WAPL: variants seen among roughly 807,000 people sequenced by gnomAD.
WAPL encodes WAPL cohesin release factor, also known as wings apart-like protein homolog.
WAPL carries 5 observed loss-of-function variants against 121.0 expected under a neutral mutation model. The observed-to-expected ratio is 0.04, with a 90% CI of 0.02 to 0.09. The LOEUF is 0.09. Ranked by LOEUF, WAPL falls within the 10% of genes least tolerant of loss-of-function variation. The probability of loss-of-function intolerance (pLI) is 1.00; values close to 1 mark genes in which losing one functional copy is unlikely to be tolerated. For synonymous variants in WAPL, 480 were observed against 481.5 expected, an observed-to-expected ratio of 1.00 and a Z score of 0.04; for missense variants, 999 against 1,410.8, an observed-to-expected ratio of 0.71 and a Z score of 4.68.
chr10:86,461,403 T>A (rs1205661018), intron 9 of WAPL, 116 bp from the exon 10 acceptor site: 6 of 716,014 alleles, frequency 8.4e-6, no homozygotes, highest in Non-Finnish European at 1.1e-5. Flanking sequence ...CTTTTATACA[T>A]AAAATTGAAC....
At chr10:86,489,765 C>T (rs562820510) in intron 4 of WAPL, among the ~76,000 whole-genome samples, 1 of 151,856 alleles carries the variant, frequency 6.6e-6, no homozygotes, top group Non-Finnish European at 1.5e-5. Flanking sequence ...AAGTCACAGA[C>T]TACCTCTTTA....
Position 86,472,513 on chromosome 10 carries a change from G to A in WAPL, c.1893+99C>T. ...CAAAAGAAGTTTGTGGTTCAAAACT[G>A]AGTATCAGTATACTGATATTTGTTG... On this transcript the variant is annotated intron_variant, in intron 6 of 18. Transcript: ENST00000298767. The surrounding 1 kb of genome is among the most constrained non-coding windows in gnomAD (Gnocchi z 4.2). The A allele has an allele frequency of 1.2e-5, 18 of 1,518,178 alleles. No homozygotes were observed. In the South Asian group the frequency reaches 2.1e-4, roughly 18 times the overall value. The allele number at this position is 1,518,178 out of a possible 1,614,324, so 94.0% of individuals were successfully genotyped here. A position where few individuals can be genotyped will look rare whatever the true frequency, so the allele number is the denominator to read the frequency against.
At chr10:86,494,219 C>T (rs1248578814) in intron 4 of WAPL, among the ~76,000 whole-genome samples, 4 of 152,188 alleles carry the variant, frequency 2.6e-5, no homozygotes, top group Non-Finnish European at 5.9e-5. Flanking sequence ...TATTAAATCT[C>T]TATCCCTGAA....
chr10:86,479,890 A>C (rs1841742351), intron 4 of WAPL, among the ~76,000 whole-genome samples: 1 of 152,236 alleles, frequency 6.6e-6, no homozygotes, highest in African/African-American at 2.4e-5. Context: ...TAAAAAAGAC[A>C]ATTGGAATCA....
At chr10:86,507,356 ACT>A (rs1056165124) in intron 2 of WAPL, among the ~76,000 whole-genome samples, 4 of 83,542 alleles carry the variant, frequency 4.8e-5, no homozygotes, top group Admixed American at 3.6e-4. Context: ...CGTCAGCGAG[ACT>A]CTGTCTCAAA....
At chr10:86,461,047 G>T in intron 10 of WAPL, 129 bp downstream of exon 10, 2 of 761,424 alleles carry the variant, frequency 2.6e-6, no homozygotes, top group Non-Finnish European at 4.0e-6. Context: ...TTTGCAGGAT[G>T]CAACTAAAAA....
At chr10:86,508,205 C>G (rs770306574) in intron 2 of WAPL, among the ~76,000 whole-genome samples, 10 of 152,196 alleles carry the variant, frequency 6.6e-5, no homozygotes, top group Non-Finnish European at 1.0e-4. Context: ...CTCTTTCCTG[C>G]TCCCCCAAAC....
At chr10:86,514,414 G>A (rs1361111058) in intron 2 of WAPL, among the ~76,000 whole-genome samples, 4 of 152,130 alleles carry the variant, frequency 2.6e-5, no homozygotes, top group Non-Finnish European at 4.4e-5. Flanking sequence ...TTGCAACTCT[G>A]GATGACCAAG....
Position 86,517,831 on chromosome 10 carries a change from T to C in WAPL, c.239A>G (p.Glu80Gly). ...GDPFGFDSDD[E>G]SLPVSSKNLA... ...ATTCTTTGAAGAAACTGGTAGAGAC[T>C]CATCATCACTATCAAATCCAAAAGG... The change falls in exon 2 of 19, where the codon GAG (glutamate) becomes GGG (glycine). Residue 80 changes from glutamate to glycine, a missense_variant. By Grantham distance (98) the Glu-to-Gly change is moderately conservative (BLOSUM62 -2). Coordinates refer to ENST00000298767, the MANE Select transcript of WAPL (RefSeq NM_015045.5). The C allele has an allele frequency of 6.2e-7, 1 of 1,614,208 alleles. No individual in the cohort carries two copies. Among genetic ancestry groups the C allele is most frequent in the Non-Finnish European group, 8.5e-7 (1 of 1,180,018 alleles).
In WAPL at chr10:86,474,529, A is replaced by AT. The variant is rs397730624; in HGVS notation, c.1645-557_1645-556insA. ...ACTCCGTCTCAAAAAAAAAAAAAAA[A>AT]GGTAAACCTCTTGCTAGGCTTACTA... is the stretch of plus-strand genomic sequence containing the variant. On this transcript the variant is annotated intron_variant, in intron 4 of 18. Transcript: ENST00000298767. Among the ~76,000 whole-genome samples the AT allele has an allele frequency of 2.0e-5, 3 of 150,646 alleles. 1 individual carries two copies. The highest frequency in any genetic ancestry group is 4.2e-4 in the South Asian group (2 of 4,754).
At position 86,513,125 on chromosome 10, in the gene WAPL, C is replaced by A. The variant is rs554062883; in HGVS notation, c.499+4446G>T. 2.6e-5 allele frequency among the ~76,000 whole-genome samples: 4 copies of A among 152,214 alleles called. No individual in the cohort carries two copies. In the South Asian group the frequency reaches 8.3e-4, roughly 32 times the overall value. ...GCAGTGGCACCACCTCGGCTCACTG[C>A]AACCTCTACCTCCCCGATTCAAGCA... On this transcript the variant is annotated intron_variant, in intron 2 of 18. Transcript: ENST00000298767.
At chr10:86,489,093 C>A (rs753253593) in intron 4 of WAPL, among the ~76,000 whole-genome samples, 2 of 152,160 alleles carry the variant, frequency 1.3e-5, no homozygotes, top group Non-Finnish European at 2.9e-5. Context: ...GAGAAAGTAT[C>A]AAACACAAAC....
At chr10:86,452,578 T>C (rs1841011003) in intron 14 of WAPL, among the ~76,000 whole-genome samples, 1 of 150,542 alleles carries the variant, frequency 6.6e-6, no homozygotes, top group Non-Finnish European at 1.5e-5. Context: ...GGCAAGAGAG[T>C]GAGTGAGACT....
intron 11 of WAPL, among the ~76,000 whole-genome samples, chr10:86,460,131 T>A (rs1841236157): frequency 6.6e-6 from 1 of 151,954 alleles, no homozygotes; most frequent in South Asian, 2.1e-4. Flanking sequence ...ATAATAAAAA[T>A]AATAAAATCT....
At position 86,437,990 on chromosome 10, in the gene WAPL, T is replaced by C; in HGVS notation, c.3437A>G (p.Tyr1146Cys). The change falls in exon 18 of 19, where the codon TAT (tyrosine) becomes TGT (cysteine). Residue 1146 changes from tyrosine (Y) to cysteine (C), a missense_variant. Tyr to Cys is a radical substitution (Grantham distance 194). Transcript: ENST00000298767. ...TATTGAAAAGTCTCCTTCTGGCAGA[T>C]ATTCCCGCACAGTGGTTACATTGAT... ...SPINVTTVRE[Y>C]LPEGDFSIMT... is the part of the protein sequence containing the mutation. 6.2e-7 allele frequency: 1 copy of C among 1,613,928 alleles called. No homozygotes were observed. Among genetic ancestry groups the C allele is most frequent in the Non-Finnish European group, 8.5e-7 (1 of 1,179,912 alleles).
intron 15 of WAPL, among the ~76,000 whole-genome samples, chr10:86,449,765 AAAAG>A (rs1227836556): frequency 2.0e-5 from 3 of 152,230 alleles, no homozygotes; most frequent in Non-Finnish European, 4.4e-5. Flanking sequence ...GTCAATTTTT[AAAAG>A]AAAGAGACTA....
At chr10:86,443,145 C>G (rs17331221) in intron 17 of WAPL, 130 bp downstream of exon 17, 1 of 623,822 alleles carries the variant, frequency 1.6e-6, no homozygotes, top group African/African-American at 1.8e-5. Flanking sequence ...AGCCAATAGC[C>G]TTTGTGGAAT....
chr10:86,508,773 T>C (rs1842399409), intron 2 of WAPL, among the ~76,000 whole-genome samples: 1 of 150,122 alleles, frequency 6.7e-6, no homozygotes, highest in Admixed American at 6.6e-5. Context: ...TTTTTTTTTT[T>C]TTTGAGACAG....
intron 4 of WAPL, among the ~76,000 whole-genome samples, chr10:86,486,990 T>C (rs1841942424): frequency 6.6e-6 from 1 of 151,746 alleles, no homozygotes; most frequent in Admixed American, 6.6e-5. Flanking sequence ...GTATAAATAT[T>C]GGAGAATTGA....
Sources: gnomAD v4.1 joint callset for allele counts (sites outside exome capture counted in the v4.1 genomes callset) on GRCh38, gnomAD v4.1.1 for gene constraint, Gnocchi (gnomAD v3.1) non-coding constraint, MANE v1.5 for transcripts, NCBI Gene and HGNC (gene_info 2026-07-23, HGNC 2026-07-21) for gene names.